Variants in DDX24 observed in about 807,000 individuals in gnomAD.
The protein encoded by DDX24 is DEAD-box helicase 24.
DDX24 carries 24 observed loss-of-function variants against 68.9 expected under a neutral mutation model. The observed-to-expected ratio is 0.35, with a 90% CI of 0.25 to 0.49. The LOEUF is 0.49. Ranked by LOEUF, DDX24 falls within the 20% of genes least tolerant of loss-of-function variation. DDX24 has a pLI of 0.99. For missense variants in DDX24, 989 were observed against 1,039.0 expected, an observed-to-expected ratio of 0.95 and a Z score of 0.66; for synonymous variants, 395 against 385.2, an observed-to-expected ratio of 1.03 and a Z score of -0.30.
At chr14:94,072,410 A>G (rs1885850061) in intron 2 of DDX24, among the ~76,000 whole-genome samples, 1 of 152,246 alleles carries the variant, frequency 6.6e-6, no homozygotes, top group African/African-American at 2.4e-5. Flanking sequence ...TGAGGATGCA[A>G]AAGCATAAGA....
At chr14:94,064,431 T>C (rs1885658037) in intron 2 of DDX24, among the ~76,000 whole-genome samples, 1 of 152,214 alleles carries the variant, frequency 6.6e-6, no homozygotes, top group African/African-American at 2.4e-5. Flanking sequence ...CCTAGACAGC[T>C]TCAGGATGGG....
intron 2 of DDX24, among the ~76,000 whole-genome samples, chr14:94,069,278 A>C (rs1236141874): frequency 6.6e-6 from 1 of 152,150 alleles, no homozygotes; most frequent in Non-Finnish European, 1.5e-5. Flanking sequence ...AAGATGGATA[A>C]ATTCCTGGAA....
intron 2 of DDX24, among the ~76,000 whole-genome samples, chr14:94,063,866 G>A (rs1184862583): frequency 6.6e-6 from 1 of 152,196 alleles, no homozygotes; most frequent in Non-Finnish European, 1.5e-5. Flanking sequence ...TCGTGCCACT[G>A]CACTCCAGCA....
rs80071308 is a variant in DDX24 at position 94,062,530 on chromosome 14, G to C, written c.810C>G (p.Thr270=). Reference sequence around the variant, plus strand: ...TTCTGGTCTCTCCAGGTGGTGCTTCGGTGTTACTTGGAGGAGGGGCAGCAT... The same window carrying C: ...TTCTGGTCTCTCCAGGTGGTGCTTCCGTGTTACTTGGAGGAGGGGCAGCAT... ...KRNAAPPPSN[T]EAPPGETRTE... Residue 270 remains threonine (T), a synonymous_variant, in exon 3 of 9, where the codon ACC becomes ACG. Coordinates refer to ENST00000621632, the MANE Select transcript of DDX24 (RefSeq NM_020414.4). 1.2e-6 allele frequency: 2 copies of C among 1,614,110 alleles called. No individual in the cohort carries two copies. Among genetic ancestry groups the C allele is most frequent in the East Asian group, 2.2e-5 (1 of 44,884 alleles).
rs1885381084 is a variant in DDX24, at chr14:94,051,228, T to A, written c.2543A>T (p.Gln848Leu). The A allele has an allele frequency of 6.3e-7, 1 of 1,585,850 alleles. No homozygotes were observed. Among genetic ancestry groups the A allele is most frequent in the South Asian group, 1.2e-5 (1 of 86,770 alleles). The change falls in exon 9 of 9, where the codon CAG becomes CTG. Residue 848 changes from glutamine to leucine, a missense_variant. Gln to Leu is a moderately radical substitution (Grantham distance 113). Transcript: ENST00000621632. ...KKKTKKPKEP[Q>L]PEQPQPSTSA... The stretch of plus-strand genomic sequence containing the variant: ...TGTACTTGGCTGTGGCTGTTCCGGC[T>A]GTGGCTCCTTCGGCTTCTTTGTCTT...
chr14:94,065,726 AC>A (rs1186962427), intron 2 of DDX24, among the ~76,000 whole-genome samples: 7 of 152,052 alleles, frequency 4.6e-5, no homozygotes, highest in African/African-American at 1.7e-4. Context: ...CCAAACACAC[AC>A]CCCCACTAGA....
rs201264775 is a variant in DDX24 at position 94,060,121 on chromosome 14, C to T, written c.1890G>A (p.Leu630=). Residue 630 remains leucine (L), a synonymous_variant, in exon 5 of 9, where the codon CTG becomes CTA. Coordinates refer to ENST00000621632, the MANE Select transcript of DDX24 (RefSeq NM_020414.4). ...ACTCTTCCAGACGGGCAAACTGCTC[C>T]AGGTTTCTGAGCCTCTGCTTCTGGT... The part of the protein sequence containing the change: ...CMHQKQRLRN[L]EQFARLEDCV... The T allele has an allele frequency of 2.2e-4, 357 of 1,613,090 alleles. 1 individual carries two copies. The Middle Eastern group carries it at 6.3e-3, about 28-fold the overall frequency.
At chr14:94,053,949 G>A (rs373387340) in intron 7 of DDX24, among the ~76,000 whole-genome samples, 4 of 152,208 alleles carry the variant, frequency 2.6e-5, no homozygotes, top group African/African-American at 7.2e-5. Context: ...ACCATTACCC[G>A]TCTGTGTGTA....
chr14:94,059,482 T>G (rs915349212), intron 5 of DDX24, among the ~76,000 whole-genome samples: 3 of 152,236 alleles, frequency 2.0e-5, no homozygotes, highest in Non-Finnish European at 2.9e-5. Context: ...ATGAGAATAG[T>G]GATAATGGTA....
rs925205974 is a variant in DDX24 at position 94,050,637 on chromosome 14, G to C, written c.*554C>G. ...AACCTCATCCCTGCCCACCTCCCACGGTGGCTCAGACAATACCCAGGAGAG... is the reference window on the plus strand; with the variant it reads ...AACCTCATCCCTGCCCACCTCCCACCGTGGCTCAGACAATACCCAGGAGAG... On this transcript the variant is annotated 3_prime_UTR_variant, in exon 9 of 9. Transcript: ENST00000621632. 7.2e-5 allele frequency: 11 copies of C among 152,350 alleles called. No homozygotes were observed. Among genetic ancestry groups the C allele is most frequent in the Admixed American group, 3.3e-4 (5 of 15,284 alleles). The allele number at this position is 152,350 out of a possible 1,614,324, so 9.4% of individuals were successfully genotyped here. A position where few individuals can be genotyped will look rare whatever the true frequency, so the allele number is the denominator to read the frequency against.
chr14:94,060,927 G>C lies in DDX24; in HGVS notation c.1383C>G (p.Asn461Lys), dbSNP rs149012377. The change falls in exon 4 of 9, where the codon AAC (asparagine) becomes AAG (lysine). Residue 461 changes from asparagine (N) to lysine (K), a missense_variant. By Grantham distance (94) the Asn-to-Lys change is moderately conservative (BLOSUM62 0). Around this residue, in one of 3 missense-constraint regions of DDX24, gnomAD observed 691 missense variants for 760.0 expected, o/e 0.91. Coordinates refer to ENST00000621632, the MANE Select transcript of DDX24 (RefSeq NM_020414.4). ...CCATCTATTACCTGAGCTGCCGAAGGTTCCTCAAATGATAATGCTTTTCTT... is the reference window on the plus strand; with the variant it reads ...CCATCTATTACCTGAGCTGCCGAAGCTTCCTCAAATGATAATGCTTTTCTT... Reference protein sequence around the residue: ...LIKEKHYHLRNLRQLRCLVVD... With the variant: ...LIKEKHYHLRKLRQLRCLVVD... 8.7e-6 allele frequency: 14 copies of C among 1,614,072 alleles called. No homozygotes were observed. Among genetic ancestry groups the C allele is most frequent in the Non-Finnish European group, 1.1e-5 (13 of 1,180,036 alleles).
intron 2 of DDX24, among the ~76,000 whole-genome samples, chr14:94,077,704 T>C (rs1885972520): frequency 6.6e-6 from 1 of 152,204 alleles, no homozygotes; most frequent in African/African-American, 2.4e-5. Flanking sequence ...CCCTTTCCTG[T>C]AGTTCCTCAC....
At chr14:94,055,361 A>G in intron 6 of DDX24, 177 bp from the exon 7 acceptor site, 1 of 647,952 alleles carries the variant, frequency 1.5e-6, no homozygotes, top group Non-Finnish European at 2.6e-6. Context: ...AAATGTTCCC[A>G]GGTTTAGCCC....
In DDX24 at chr14:94,062,459, T is replaced by A. The variant is rs768272485; in HGVS notation, c.881A>T (p.Glu294Val). The change falls in exon 3 of 9, where the codon GAG (glutamate) becomes GTG (valine). Residue 294 changes from glutamate (E) to valine (V), a missense_variant. Physicochemically the swap from Glu to Val is moderately radical, Grantham distance 121. Transcript: ENST00000621632. The stretch of plus-strand genomic sequence containing the variant: ...AGTATCGTCAGGCAATGCATCAGAC[T>A]CAGCTTCAGCCTTGCCTGGTGATCT... ...ETRSPGKAEA[E>V]SDALPDDTVI... 18 of 1,614,158 alleles carry A rather than the reference T, an allele frequency of 1.1e-5. No individual in the cohort carries two copies. The highest frequency in any genetic ancestry group is 1.5e-5 in the Non-Finnish European group (18 of 1,180,024).
At chr14:94,069,134 A>G (rs146008342) in intron 2 of DDX24, among the ~76,000 whole-genome samples, 308 of 152,314 alleles carry the variant, frequency 2.0e-3, no homozygotes, top group Non-Finnish European at 3.7e-3. Flanking sequence ...TTAACCAAGA[A>G]AAGAAGAGAG....
At chr14:94,051,693 C>T (rs1885391418) in intron 8 of DDX24, 2 of 435,856 alleles carry the variant, frequency 4.6e-6, no homozygotes, top group Non-Finnish European at 7.9e-6. Flanking sequence ...CATAAAAATC[C>T]TCCAAGACTG....
rs1409890165 is a variant in DDX24 at position 94,081,181 on chromosome 14, T to G, written c.-68A>C. 1 of 152,314 alleles carries G rather than the reference T, an allele frequency of 6.6e-6. No individual in the cohort carries two copies. Among genetic ancestry groups the G allele is most frequent in the Admixed American group, 6.5e-5 (1 of 15,290 alleles). The allele number at this position is 152,314 out of a possible 1,614,324, so 9.4% of individuals were successfully genotyped here. On this transcript the variant is annotated 5_prime_UTR_variant, in exon 1 of 9. Coordinates refer to ENST00000621632, the MANE Select transcript of DDX24 (RefSeq NM_020414.4). Reference sequence around the variant, plus strand: ...TGAAGAACCTCAGAAACCGCCGCTGTACCTCAGCTGCAGCAGCAACTGCAG... The same window carrying G: ...TGAAGAACCTCAGAAACCGCCGCTGGACCTCAGCTGCAGCAGCAACTGCAG...
intron 2 of DDX24, among the ~76,000 whole-genome samples, chr14:94,072,664 T>C (rs1343882006): frequency 1.3e-5 from 2 of 152,066 alleles, no homozygotes; most frequent in Non-Finnish European, 2.9e-5. Context: ...ACCCTGTCTC[T>C]ACTAAAAATG....
At chr14:94,060,815 G>C in intron 4 of DDX24, 98 bp downstream of exon 4, 1 of 1,535,346 alleles carries the variant, frequency 6.5e-7, no homozygotes, top group Non-Finnish European at 8.8e-7. Context: ...CCACACCATA[G>C]CATTCTGCGA....
Sources: allele counts gnomAD v4.1 joint callset (sites outside exome capture counted in the v4.1 genomes callset), GRCh38; gene constraint gnomAD v4.1.1; regional missense constraint gnomAD v4.1.1; transcripts MANE v1.5; gene names NCBI Gene and HGNC (gene_info 2026-07-23, HGNC 2026-07-21).